Variants in DNAAF9 observed in about 807,000 individuals in gnomAD.
The protein encoded by DNAAF9 is shulin.
In DNAAF9, 90 loss-of-function variants were observed where a neutral mutation model predicts 167.0. The observed-to-expected ratio is 0.54, with a 90% CI of 0.45 to 0.64. The LOEUF is 0.64. DNAAF9 is among the 30% of genes least tolerant of loss of function. The pLI, the probability that DNAAF9 is intolerant of heterozygous loss-of-function variation, is 0.00. For missense variants in DNAAF9, 1,315 were observed against 1,442.2 expected (o/e 0.91, Z 1.43); for synonymous variants, 491 against 508.8 (o/e 0.96, Z 0.47).
At chr20:3,399,409 C>T (rs2123300541) in intron 1 of DNAAF9, among the ~76,000 whole-genome samples, 1 of 152,216 alleles carries the variant, frequency 6.6e-6, no homozygotes, top group Non-Finnish European at 1.5e-5. Flanking sequence ...AGGGTTTCAT[C>T]ATGCTCGCCA....
At chr20:3,341,935 G>A (rs576433504) in intron 9 of DNAAF9, among the ~76,000 whole-genome samples, 2 of 152,198 alleles carry the variant, frequency 1.3e-5, no homozygotes, top group East Asian at 1.9e-4. Context: ...CCGCCACCAC[G>A]CCTGGCTAAT....
At chr20:3,350,451 T>C (rs1163695833) in intron 7 of DNAAF9, among the ~76,000 whole-genome samples, 1 of 152,074 alleles carries the variant, frequency 6.6e-6, no homozygotes, top group Non-Finnish European at 1.5e-5. Context: ...TATCTATATA[T>C]ACATACATAC....
In DNAAF9 at chr20:3,338,267, T is replaced by G. The variant is rs529354767; in HGVS notation, c.981+2237A>C. 6.6e-5 allele frequency among the ~76,000 whole-genome samples: 10 copies of G among 152,248 alleles called. No homozygotes were observed. In the South Asian group the frequency reaches 2.1e-3, roughly 32 times the overall value. On this transcript the variant is annotated intron_variant, in intron 10 of 36. Transcript: ENST00000252032. ...AATGTGGTTTGGTTGGTGTGCTTTT[T>G]CATTCAACACTTTAAAATATCATTT...
At chr20:3,325,723 AAGATAATGGTC>A (rs2069698705) in intron 13 of DNAAF9, among the ~76,000 whole-genome samples, 1 of 152,206 alleles carries the variant, frequency 6.6e-6, no homozygotes, top group African/African-American at 2.4e-5. Context: ...AACAGCAAGG[AAGATAATGGTC>A]AGAGAACGGG....
chr20:3,286,255 T>C (rs1224021893), intron 27 of DNAAF9, among the ~76,000 whole-genome samples: 1 of 152,196 alleles, frequency 6.6e-6, no homozygotes, highest in African/African-American at 2.4e-5. Flanking sequence ...GGGGCTGTGA[T>C]GGGACAAAGG....
Position 3,332,377 on chromosome 20 carries a change from A to G in DNAAF9, c.982-16T>C. 2 of 1,414,772 alleles carry G rather than the reference A, an allele frequency of 1.4e-6. No homozygotes were observed. The highest frequency in any genetic ancestry group is 1.0e-6 in the Non-Finnish European group (1 of 999,706). The allele number at this position is 1,414,772 out of a possible 1,614,324, so 87.6% of individuals were successfully genotyped here. On this transcript the variant is annotated splice_polypyrimidine_tract_variant and intron_variant, in intron 10 of 36. Transcript: ENST00000252032. ...ACTGGGCTACCTGGATGTCAGAAAA[A>G]AATAAAAATAAAAAGGGGCAATAAC...
At position 3,296,374 on chromosome 20, in the gene DNAAF9, G is replaced by A. The variant is rs541593707; in HGVS notation, c.2018+487C>T. 9.6e-4 allele frequency: 303 copies of A among 317,164 alleles called. 2 individuals are homozygous for A. The highest frequency in any genetic ancestry group is 6.5e-3 in the African/African-American group (291 of 44,656). 19.6% of individuals were successfully genotyped at this position (317,164 alleles called of 1,614,324 possible). On this transcript the variant is annotated intron_variant, in intron 23 of 36. Coordinates refer to ENST00000252032, the MANE Select transcript of DNAAF9 (RefSeq NM_001009984.3). ...AGCCACACTGGCTCCTGGCAGTGGG[G>A]ACATTTTTCGTTTTTTTTTTTGAGA...
intron 6 of DNAAF9, among the ~76,000 whole-genome samples, chr20:3,370,771 G>A (rs371398714): frequency 5.9e-5 from 9 of 152,162 alleles, no homozygotes; most frequent in Admixed American, 3.9e-4. Context: ...CTGGCTTCAC[G>A]CGATCCTCCC....
intron 6 of DNAAF9, among the ~76,000 whole-genome samples, chr20:3,369,509 TG>T (rs1330211167): frequency 1.3e-5 from 2 of 152,130 alleles, no homozygotes; most frequent in Non-Finnish European, 2.9e-5. Flanking sequence ...CCCAGGTAGC[TG>T]GGACTACAGG....
At chr20:3,285,245 T>A (rs1420136539) in intron 27 of DNAAF9, among the ~76,000 whole-genome samples, 1 of 152,178 alleles carries the variant, frequency 6.6e-6, no homozygotes, top group Non-Finnish European at 1.5e-5. Flanking sequence ...CAAAGAATGC[T>A]ATAAATGAAA....
chr20:3,300,268 C>T (rs1383371859), intron 21 of DNAAF9, among the ~76,000 whole-genome samples: 2 of 148,284 alleles, frequency 1.3e-5, no homozygotes, highest in Admixed American at 1.4e-4. Context: ...ACCTACAGAT[C>T]ATGTTGGGCA....
rs2069490027 is a variant in DNAAF9, at chr20:3,315,746, G to C, written c.1579C>G (p.Gln527Glu). The change falls in exon 19 of 37, where the codon CAA becomes GAA. Residue 527 changes from glutamine (Q) to glutamate (E), a missense_variant. Around this residue, in one of 2 missense-constraint regions of DNAAF9, gnomAD observed 981 missense variants for 1,012.5 expected, o/e 0.97. Coordinates refer to ENST00000252032, the MANE Select transcript of DNAAF9 (RefSeq NM_001009984.3). The surrounding 1 kb of genome is among the most constrained non-coding windows in gnomAD (Gnocchi z 4.1). ...AGAAGGCTGCTTACCCTCACTGCTT[G>C]CTGGGTTTTCTCAGACAATTTTACT... ...NEVKLSEKTQ[Q>E]AVRGDESFLG... 6.2e-7 allele frequency: 1 copy of C among 1,613,316 alleles called. No homozygotes were observed. The highest frequency in any genetic ancestry group is 1.1e-5 in the South Asian group (1 of 91,066).
Position 3,294,219 on chromosome 20 carries a change from C to T in DNAAF9, c.2158G>A (p.Glu720Lys), listed in dbSNP as rs1459347670. 6.2e-6 allele frequency: 10 copies of T among 1,613,038 alleles called. No homozygotes were observed. Among genetic ancestry groups the T allele is most frequent in the Non-Finnish European group, 8.5e-6 (10 of 1,179,202 alleles). Residue 720 changes from glutamate to lysine, a missense_variant, in exon 25 of 37, where the codon GAG (glutamate) becomes AAG (lysine). Coordinates refer to ENST00000252032, the MANE Select transcript of DNAAF9 (RefSeq NM_001009984.3). Reference sequence around the variant, plus strand: ...GGAAGATGGGTCCGCATCACAGGCTCCTGGCTAATGCTGCTGATGGCGAAA... The same window carrying T: ...GGAAGATGGGTCCGCATCACAGGCTTCTGGCTAATGCTGCTGATGGCGAAA... ...QHFAISSISQ[E>K]PVMRTHLPVL...
At chr20:3,361,942 T>C in intron 6 of DNAAF9, 2 of 1,526,148 alleles carry the variant, frequency 1.3e-6, no homozygotes, top group Non-Finnish European at 1.8e-6. Flanking sequence ...TTAGACATCA[T>C]TAGGCGCCGA....
chr20:3,396,884 T>C (rs369595170), intron 1 of DNAAF9, among the ~76,000 whole-genome samples: 1 of 152,218 alleles, frequency 6.6e-6, no homozygotes, highest in African/African-American at 2.4e-5. Flanking sequence ...ATTTTAATAA[T>C]ATCACTCTAT....
In DNAAF9 at chr20:3,381,359, G is replaced by A; in HGVS notation, c.283+20C>T. 6.3e-7 allele frequency: 1 copy of A among 1,588,770 alleles called. No homozygotes were observed. The highest frequency in any genetic ancestry group is 8.6e-7 in the Non-Finnish European group (1 of 1,160,898). The stretch of plus-strand genomic sequence containing the variant: ...ACCTCTTACTCTTCTATCACACAGA[G>A]TTTACCAATATATACTTACCATCTA... On this transcript the variant is annotated intron_variant, in intron 3 of 36. Coordinates refer to ENST00000252032, the MANE Select transcript of DNAAF9 (RefSeq NM_001009984.3).
chr20:3,284,001 A>G (rs2068806688), intron 27 of DNAAF9, among the ~76,000 whole-genome samples: 1 of 152,046 alleles, frequency 6.6e-6, no homozygotes, highest in Non-Finnish European at 1.5e-5. Flanking sequence ...AGGCCTATAC[A>G]TCTGGGCACT....
At chr20:3,260,755 G>C (rs527326685) in intron 31 of DNAAF9, among the ~76,000 whole-genome samples, 1 of 152,204 alleles carries the variant, frequency 6.6e-6, no homozygotes, top group East Asian at 1.9e-4. Flanking sequence ...TCAGCCTCCT[G>C]AGTAGCTGGG....
At chr20:3,264,323 C>T (rs1414290416) in intron 31 of DNAAF9, 115 bp downstream of exon 31, 1 of 644,468 alleles carries the variant, frequency 1.6e-6, no homozygotes, top group Admixed American at 2.7e-5. Context: ...TGCCATGTGT[C>T]ACCCTTGCAA....
Sources: gnomAD v4.1 joint callset for allele counts (sites outside exome capture counted in the v4.1 genomes callset) on GRCh38, gnomAD v4.1.1 for gene constraint, gnomAD v4.1.1 regional missense constraint, Gnocchi (gnomAD v3.1) non-coding constraint, MANE v1.5 for transcripts, NCBI Gene and HGNC (gene_info 2026-07-23, HGNC 2026-07-21) for gene names.